The following METTL27 variants were observed in gnomAD, a reference collection of about 807,000 sequenced individuals.
METTL27 encodes the protein methyltransferase like 27.
METTL27 carries 29 observed loss-of-function variants against 24.5 expected under a neutral mutation model. The observed-to-expected ratio is 1.18, with a 90% confidence interval of 0.88 to 1.61. The LOEUF (loss-of-function observed/expected upper bound fraction) is 1.61, where lower values mean the gene tolerates loss of function less well. METTL27 is among the 40% of genes most tolerant of loss of function. The pLI is 0.00. For missense variants in METTL27, 341 were observed against 324.3 expected, an observed-to-expected ratio of 1.05 and a Z score of -0.40; for synonymous variants, 138 against 146.8, an observed-to-expected ratio of 0.94 and a Z score of 0.43.
intron 5 of METTL27, among the ~76,000 whole-genome samples, chr7:73,836,664 G>C (rs1235390094): frequency 2.7e-5 from 1 of 37,670 alleles, no homozygotes; most frequent in East Asian, 7.2e-4. Context: ...AGGTGGGGGG[G>C]GTCAGCCCCC....
At chr7:73,842,176 C>T in intron 1 of METTL27, 32 bp from the exon 2 acceptor site, 4 of 1,577,652 alleles carry the variant, frequency 2.5e-6, no homozygotes, top group African/African-American at 1.4e-5. Flanking sequence ...GTCTCGAGGT[C>T]CACCTCAATC....
intron 5 of METTL27, among the ~76,000 whole-genome samples, chr7:73,836,105 C>G (rs1480256665): frequency 2.0e-5 from 3 of 151,530 alleles, no homozygotes; most frequent in Non-Finnish European, 4.4e-5. Flanking sequence ...CCCCGCCCCA[C>G]CAGCCGCCCC....
intron 5 of METTL27, among the ~76,000 whole-genome samples, chr7:73,838,780 T>C (rs1788277596): frequency 6.6e-6 from 1 of 152,176 alleles, no homozygotes; most frequent in South Asian, 2.1e-4. Context: ...GCTCCCCAGA[T>C]GCCTGCCCAG....
intron 5 of METTL27, 112 bp downstream of exon 5, chr7:73,839,919 G>C: frequency 1.0e-6 from 1 of 991,336 alleles, no homozygotes; most frequent in Non-Finnish European, 1.4e-6. Context: ...ACGCTGGGCA[G>C]GACGCTGCCC....
chr7:73,839,598 G>T, intron 5 of METTL27: 1 of 162,138 alleles, frequency 6.2e-6, no homozygotes. Flanking sequence ...AGAAAGAGAT[G>T]CTCCAAAGGC....
chr7:73,836,498 T>C (rs1554635289), intron 5 of METTL27, among the ~76,000 whole-genome samples: 4 of 127,692 alleles, frequency 3.1e-5, no homozygotes, highest in Non-Finnish European at 1.6e-5. Flanking sequence ...GGAGCCCCTC[T>C]GCCCGGCCAG....
At chr7:73,841,566 G>A (rs911562992) in intron 2 of METTL27, among the ~76,000 whole-genome samples, 2 of 150,362 alleles carry the variant, frequency 1.3e-5, no homozygotes, top group Admixed American at 1.3e-4. Context: ...TCTGTGTCCC[G>A]GATTCAGGCA....
intron 4 of METTL27, 79 bp downstream of exon 4, chr7:73,840,335 G>A: frequency 6.5e-7 from 1 of 1,540,876 alleles, no homozygotes; most frequent in Non-Finnish European, 8.8e-7. Flanking sequence ...AGCTTAGTGT[G>A]GGAGAGGGAT....
chr7:73,835,026 T>G (rs1584333918), intron 5 of METTL27, 24 bp from the exon 6 acceptor site: 1 of 1,588,660 alleles, frequency 6.3e-7, no homozygotes. Context: ...GTAGGTGAGG[T>G]GGGGGAGGGG....
At position 73,840,133 on chromosome 7, in the gene METTL27, G is replaced by GT. The variant is rs202180035; in HGVS notation, c.389-14_389-13insA. 561 of 1,238,400 alleles carry GT rather than the reference G, an allele frequency of 4.5e-4. 2 individuals are homozygous for GT. Among genetic ancestry groups the GT allele is most frequent in the Admixed American group, 8.3e-4 (38 of 45,994 alleles). 76.7% of individuals were successfully genotyped at this position (1,238,400 alleles called of 1,614,324 possible). A position where few individuals can be genotyped will look rare whatever the true frequency, so the allele number is the denominator to read the frequency against. Reference sequence around the variant, plus strand: ...GCGTCGAAGGTCCCTGTGTGTGTGTGGGGGGGGGTGGGGACATGGTGTGAT... The same window carrying GT: ...GCGTCGAAGGTCCCTGTGTGTGTGTGTGGGGGGGGTGGGGACATGGTGTGAT... On this transcript the variant is annotated splice_polypyrimidine_tract_variant and intron_variant, in intron 4 of 5. Coordinates refer to ENST00000297873, the MANE Select transcript of METTL27 (RefSeq NM_152559.3).
intron 4 of METTL27, 36 bp downstream of exon 4, chr7:73,840,378 G>A (rs913353089): frequency 1.3e-6 from 2 of 1,553,264 alleles, no homozygotes; most frequent in African/African-American, 2.7e-5. Context: ...CTTCATGAGG[G>A]TGGGCCTCGG....
chr7:73,841,325 C>A (rs1290681627), intron 2 of METTL27, 127 bp from the exon 3 acceptor site: 2 of 1,355,878 alleles, frequency 1.5e-6, no homozygotes, highest in South Asian at 1.6e-5. Context: ...CTGGGGCTAG[C>A]GTGAGGGGAC....
intron 5 of METTL27, among the ~76,000 whole-genome samples, chr7:73,838,135 G>C (rs1439208397): frequency 2.0e-5 from 3 of 152,152 alleles, no homozygotes; most frequent in Non-Finnish European, 4.4e-5. Flanking sequence ...TTATGGGGGT[G>C]AGCTACTGTG....
chr7:73,839,858 T>G, intron 5 of METTL27, 173 bp downstream of exon 5: 1 of 564,748 alleles, frequency 1.8e-6, no homozygotes, highest in Non-Finnish European at 2.9e-6. Context: ...GCCCGGCCTG[T>G]TTGCCTGGGT....
chr7:73,839,927 C>A, intron 5 of METTL27, 104 bp downstream of exon 5: 1 of 1,080,326 alleles, frequency 9.3e-7, no homozygotes, highest in Non-Finnish European at 1.3e-6. Flanking sequence ...CAGGACGCTG[C>A]CCCTCGCTTA....
In METTL27 at chr7:73,834,624, C is replaced by T; in HGVS notation, c.*119G>A. 1 of 829,574 alleles carries T rather than the reference C, an allele frequency of 1.2e-6. No individual in the cohort carries two copies. Among genetic ancestry groups the T allele is most frequent in the Non-Finnish European group, 1.9e-6 (1 of 532,734 alleles). 51.4% of individuals were successfully genotyped at this position (829,574 alleles called of 1,614,324 possible). A position where few individuals can be genotyped will look rare whatever the true frequency, so the allele number is the denominator to read the frequency against. ...AGCTCATTTAATAGGCAGGGCATTT[C>T]TGAGGGGCAGGGTTGGTTCGGAGGT... is the stretch of plus-strand genomic sequence containing the variant. On this transcript the variant is annotated 3_prime_UTR_variant, in exon 6 of 6. Transcript: ENST00000297873.
In METTL27 at chr7:73,834,856, T is replaced by C. The variant is rs781921774; in HGVS notation, c.625A>G (p.Ser209Gly). The C allele has an allele frequency of 1.2e-6, 2 of 1,614,038 alleles. No individual in the cohort carries two copies. The highest frequency in any genetic ancestry group is 8.5e-7 in the Non-Finnish European group (1 of 1,179,984). Reference sequence around the variant, plus strand: ...CACCTCCAGCTCGGAGGTAGCCAGCTCCCAGCGGTCCACAGGCGGTCCACA... The same window carrying C: ...CACCTCCAGCTCGGAGGTAGCCAGCCCCCAGCGGTCCACAGGCGGTCCACA... ...WPVDRLWTAG[S>G]WLPPSWRWYP... Residue 209 changes from serine to glycine, a missense_variant, in exon 6 of 6, where the codon AGC becomes GGC. Physicochemically the swap from Ser to Gly is moderately conservative, Grantham distance 56. Transcript: ENST00000297873.
chr7:73,836,549 C>T (rs1788206148), intron 5 of METTL27, among the ~76,000 whole-genome samples: 1 of 19,614 alleles, frequency 5.1e-5, no homozygotes, highest in Non-Finnish European at 9.7e-5. Context: ...CAGCCCCCTG[C>T]CCGGCCAGCC....
In METTL27 at chr7:73,840,485, G is replaced by A; in HGVS notation, c.317C>T (p.Ala106Val). 6.2e-7 allele frequency: 1 copy of A among 1,610,852 alleles called. No homozygotes were observed. Among genetic ancestry groups the A allele is most frequent in the Non-Finnish European group, 8.5e-7 (1 of 1,179,100 alleles). The change falls in exon 4 of 6, where the codon GCC becomes GTC. Residue 106 changes from alanine to valine, a missense_variant. Ala to Val is a moderately conservative substitution (Grantham distance 64). Coordinates refer to ENST00000297873, the MANE Select transcript of METTL27 (RefSeq NM_152559.3). ...VDGSPGMLEQAQAPGLYQRLS... is the reference protein window; with the variant it reads ...VDGSPGMLEQVQAPGLYQRLS... The stretch of plus-strand genomic sequence containing the variant: ...GCGCTGATAGAGGCCGGGGGCCTGG[G>A]CCTGTTCCAGCATCCCTGGGCTCCC...
Sources: allele counts gnomAD v4.1 joint callset (sites outside exome capture counted in the v4.1 genomes callset), GRCh38; gene constraint gnomAD v4.1.1; transcripts MANE v1.5; gene names NCBI Gene and HGNC (gene_info 2026-07-23, HGNC 2026-07-21).